PLS1: variants seen among roughly 807,000 people sequenced by gnomAD.
PLS1 encodes plastin 1.
In PLS1, 32 loss-of-function variants were observed where a neutral mutation model predicts 73.7. The observed-to-expected ratio is 0.43, with a 90% CI of 0.33 to 0.58. The LOEUF (loss-of-function observed/expected upper bound fraction) is 0.58, where lower values mean the gene tolerates loss of function less well. PLS1 is among the 20% of genes least tolerant of loss of function. The pLI is 0.04. For synonymous variants in PLS1, 217 were observed against 261.3 expected, an observed-to-expected ratio of 0.83 and a Z score of 1.63; for missense variants, 633 against 740.5, an observed-to-expected ratio of 0.85 and a Z score of 1.68.
At chr3:142,619,231 A>C (rs2036271521) in intron 1 of PLS1, among the ~76,000 whole-genome samples, 1 of 152,206 alleles carries the variant, frequency 6.6e-6, no homozygotes, top group Admixed American at 6.5e-5. Context: ...AATTCACATT[A>C]AGCCTGCTTC....
intron 6 of PLS1, 21 bp from the exon 7 acceptor site, chr3:142,683,985 C>A: frequency 7.4e-7 from 1 of 1,345,232 alleles, no homozygotes; most frequent in Non-Finnish European, 1.0e-6. Context: ...CTCATGTGTA[C>A]TTTTTTTTTT....
At chr3:142,650,478 G>C (rs2037063154) in intron 1 of PLS1, among the ~76,000 whole-genome samples, 1 of 152,076 alleles carries the variant, frequency 6.6e-6, no homozygotes, top group South Asian at 2.1e-4. Context: ...CTTCCTCTCT[G>C]ATTCAGGGGA....
At chr3:142,625,846 C>T (rs372178782) in intron 1 of PLS1, among the ~76,000 whole-genome samples, 15 of 151,918 alleles carry the variant, frequency 9.9e-5, no homozygotes, top group Admixed American at 5.2e-4. Flanking sequence ...TTGTGGCATA[C>T]GCCTGTAGTC....
chr3:142,623,214 A>C (rs2036350346), intron 1 of PLS1, among the ~76,000 whole-genome samples: 1 of 152,228 alleles, frequency 6.6e-6, no homozygotes, highest in Admixed American at 6.5e-5. Flanking sequence ...ATAGGAAGAA[A>C]ACCTGCTTGG....
chr3:142,599,102 T>C (rs1028442920), intron 1 of PLS1, among the ~76,000 whole-genome samples: 3 of 151,988 alleles, frequency 2.0e-5, no homozygotes, highest in East Asian at 3.9e-4. Context: ...CTCTGAAGGA[T>C]GACCTTTAAC....
At chr3:142,646,503 G>GA (rs2036955961) in intron 1 of PLS1, among the ~76,000 whole-genome samples, 2 of 152,338 alleles carry the variant, frequency 1.3e-5, no homozygotes, top group African/African-American at 4.8e-5. Flanking sequence ...ATGAGTATAG[G>GA]AAAAAGTTTC....
At chr3:142,602,104 C>G (rs954839992) in intron 1 of PLS1, among the ~76,000 whole-genome samples, 8 of 107,670 alleles carry the variant, frequency 7.4e-5, no homozygotes, top group South Asian at 2.6e-4. Context: ...GTAAATCGTT[C>G]CGGTTTTTTT....
chr3:142,694,488 A>G lies in PLS1; in HGVS notation c.1197A>G (p.Arg399=). Residue 399 remains arginine (R), a synonymous_variant, in exon 11 of 16, where the codon AGA becomes AGG. Transcript: ENST00000457734. ...CTCTAGGAGAGAGCAAGGAAGAGAG[A>G]ACATTTCGGAACTGGATGAATTCCT... ...NLLEGESKEE[R]TFRNWMNSLG... 1 of 1,604,532 alleles carries G rather than the reference A, an allele frequency of 6.2e-7. No homozygotes were observed. The highest frequency in any genetic ancestry group is 1.1e-5 in the South Asian group (1 of 90,842).
intron 1 of PLS1, among the ~76,000 whole-genome samples, chr3:142,629,593 G>C (rs1009594477): frequency 3.6e-4 from 55 of 152,234 alleles, no homozygotes; most frequent in Admixed American, 1.5e-3. Flanking sequence ...TGGAGACCTG[G>C]GAAAGAACTG....
chr3:142,648,817 A>G (rs1382832478), intron 1 of PLS1, among the ~76,000 whole-genome samples: 1 of 152,136 alleles, frequency 6.6e-6, no homozygotes, highest in Non-Finnish European at 1.5e-5. Context: ...TGTGCTTTGA[A>G]AGCACATTAT....
At chr3:142,660,721 A>G (rs1456355651) in intron 1 of PLS1, among the ~76,000 whole-genome samples, 1 of 152,206 alleles carries the variant, frequency 6.6e-6, no homozygotes, top group Non-Finnish European at 1.5e-5. Context: ...TTTCATTTCA[A>G]TGCCAAAGGA....
chr3:142,597,695 C>T (rs961449296), intron 1 of PLS1, among the ~76,000 whole-genome samples: 2 of 152,206 alleles, frequency 1.3e-5, no homozygotes, highest in Non-Finnish European at 2.9e-5. Flanking sequence ...GGTTAGATGA[C>T]TTGCTGTGGC....
intron 1 of PLS1, among the ~76,000 whole-genome samples, chr3:142,626,132 CT>C (rs1235651957): frequency 6.6e-6 from 1 of 152,160 alleles, no homozygotes; most frequent in Non-Finnish European, 1.5e-5. Context: ...TGGTGGACCC[CT>C]TTTGCTAGGA....
At chr3:142,707,753 T>C (rs2038493584) in intron 14 of PLS1, among the ~76,000 whole-genome samples, 1 of 152,230 alleles carries the variant, frequency 6.6e-6, no homozygotes, top group South Asian at 2.1e-4. Flanking sequence ...AGCTCACTAT[T>C]CAGGGAAGGT....
At chr3:142,621,704 C>T (rs2036318961) in intron 1 of PLS1, among the ~76,000 whole-genome samples, 1 of 152,104 alleles carries the variant, frequency 6.6e-6, no homozygotes, top group South Asian at 2.1e-4. Flanking sequence ...TTTCCAAATA[C>T]TTTTAATGCT....
At chr3:142,655,042 T>C (rs2037191582) in intron 1 of PLS1, 1 of 152,138 alleles carries the variant, frequency 6.6e-6, no homozygotes, top group East Asian at 1.9e-4. Flanking sequence ...AAATATAAAA[T>C]ATCCTTTACC....
intron 1 of PLS1, among the ~76,000 whole-genome samples, chr3:142,614,296 G>A (rs2036175183): frequency 6.6e-6 from 1 of 152,208 alleles, no homozygotes; most frequent in African/African-American, 2.4e-5. Flanking sequence ...GCAGCGGCAG[G>A]CAGTAGAGCT....
intron 1 of PLS1, among the ~76,000 whole-genome samples, chr3:142,661,239 G>A (rs932968645): frequency 3.9e-5 from 6 of 152,180 alleles, no homozygotes; most frequent in Admixed American, 1.3e-4. Flanking sequence ...TTCTAAAGGT[G>A]AGAATCCAAT....
chr3:142,711,694 A>G, intron 15 of PLS1, 69 bp downstream of exon 15: 1 of 1,388,806 alleles, frequency 7.2e-7, no homozygotes, highest in Non-Finnish European at 9.9e-7. Context: ...AGGAAAAGTT[A>G]CTATGCCCTT....
Sources: gnomAD v4.1 joint callset for allele counts (sites outside exome capture counted in the v4.1 genomes callset) on GRCh38, gnomAD v4.1.1 for gene constraint, MANE v1.5 for transcripts, NCBI Gene and HGNC (gene_info 2026-07-23, HGNC 2026-07-21) for gene names.